GOLM1: variants seen among roughly 807,000 people sequenced by gnomAD.
The protein encoded by GOLM1 is golgi membrane protein 1, also known as epididymis luminal protein 46.
Under a neutral mutation model 50.5 loss-of-function variants are expected in GOLM1, and 31 were observed. The ratio of observed to expected loss-of-function variants is 0.61; its 90% CI spans 0.46 to 0.83. The LOEUF is 0.83. Among genes scored for constraint, GOLM1 ranks in the 40% least tolerant of loss-of-function variants. The pLI is 0.00. For missense variants in GOLM1, 491 were observed against 501.3 expected (o/e 0.98, Z 0.20); for synonymous variants, 178 against 192.8 (o/e 0.92, Z 0.64).
chr9:86,028,544 A>G (rs1232450880), intron 9 of GOLM1, among the ~76,000 whole-genome samples: 3 of 152,198 alleles, frequency 2.0e-5, no homozygotes, highest in Non-Finnish European at 1.5e-5. Context: ...TTTTCAGTAC[A>G]CTAGGGCAAG....
At chr9:86,052,985 C>G (rs1259981298) in intron 3 of GOLM1, among the ~76,000 whole-genome samples, 1 of 140,902 alleles carries the variant, frequency 7.1e-6, no homozygotes, top group East Asian at 1.9e-4. Flanking sequence ...CAAACCACAC[C>G]ACGACACACC....
intron 1 of GOLM1, among the ~76,000 whole-genome samples, chr9:86,096,686 TTAAAA>T (rs1193189886): frequency 6.6e-6 from 1 of 152,162 alleles, no homozygotes; most frequent in East Asian, 1.9e-4. Flanking sequence ...CCCAAAATAC[TTAAAA>T]TTAAGAGAAA....
intron 9 of GOLM1, among the ~76,000 whole-genome samples, chr9:86,031,125 G>C (rs144777921): frequency 6.6e-6 from 1 of 151,876 alleles, no homozygotes; most frequent in Non-Finnish European, 1.5e-5. Context: ...CAGGAGAATC[G>C]CTTGAACCCG....
intron 3 of GOLM1, among the ~76,000 whole-genome samples, chr9:86,061,085 G>C (rs773407689): frequency 3.2e-4 from 48 of 151,984 alleles, no homozygotes; most frequent in Non-Finnish European, 6.3e-4. Flanking sequence ...AACGGCACGA[G>C]TTGTAATCGC....
At chr9:86,041,444 A>C (rs1833347020) in intron 5 of GOLM1, among the ~76,000 whole-genome samples, 1 of 152,170 alleles carries the variant, frequency 6.6e-6, no homozygotes. Context: ...AATCATGCCT[A>C]CATAAAACAC....
chr9:86,072,404 T>C (rs1834475008), intron 3 of GOLM1, among the ~76,000 whole-genome samples: 1 of 152,182 alleles, frequency 6.6e-6, no homozygotes, highest in African/African-American at 2.4e-5. Flanking sequence ...GAGAAGCTCA[T>C]GCAATGTCTT....
intron 1 of GOLM1, among the ~76,000 whole-genome samples, chr9:86,094,230 C>G (rs1036529087): frequency 6.6e-6 from 1 of 151,962 alleles, no homozygotes. Flanking sequence ...TTTCTGGCTA[C>G]AAAGTAGAAC....
chr9:86,075,154 A>G (rs2118839321), intron 3 of GOLM1, among the ~76,000 whole-genome samples: 1 of 152,356 alleles, frequency 6.6e-6, no homozygotes, highest in South Asian at 2.1e-4. Context: ...GGCCCTCACC[A>G]GATGAATCTG....
Position 86,036,369 on chromosome 9 carries a change from A to C in GOLM1, c.736T>G (p.Ser246Ala), listed in dbSNP as rs150164706. The C allele has an allele frequency of 5.9e-4, 950 of 1,614,174 alleles. No individual in the cohort carries two copies. Among genetic ancestry groups the C allele is most frequent in the Non-Finnish European group, 7.3e-4 (856 of 1,180,026 alleles). ...TTACCTTTCTCAACTTGTCTCTTTG[A>C]ATCCAAAACCACTTCGGAACTGGGG... is the stretch of plus-strand genomic sequence containing the variant. ...PAPSSEVVLDSKRQVEKEETN... is the reference protein window; with the variant it reads ...PAPSSEVVLDAKRQVEKEETN... The change falls in exon 7 of 10, where the codon TCA becomes GCA. Residue 246 changes from serine to alanine, a missense_variant. Physicochemically the swap from Ser to Ala is moderately conservative, Grantham distance 99. Transcript: ENST00000388712.
At position 86,026,586 on chromosome 9, in the gene GOLM1, T is replaced by A. The variant is rs1302407718; in HGVS notation, c.*1231A>T. 1.0e-6 allele frequency: 1 copy of A among 964,474 alleles called. No individual in the cohort carries two copies. The highest frequency in any genetic ancestry group is 1.1e-4 in the East Asian group (1 of 8,704). The allele number at this position is 964,474 out of a possible 1,614,324, so 59.7% of individuals were successfully genotyped here. A position where few individuals can be genotyped will look rare whatever the true frequency, so the allele number is the denominator to read the frequency against. On this transcript the variant is annotated 3_prime_UTR_variant, in exon 10 of 10. Transcript: ENST00000388712. Reference sequence around the variant, plus strand: ...ATCTCTGGGGCCTTAGCATCTCAAATCCTGTGGATCCTCCTACTTACCCCT... The same window carrying A: ...ATCTCTGGGGCCTTAGCATCTCAAAACCTGTGGATCCTCCTACTTACCCCT...
intron 3 of GOLM1, among the ~76,000 whole-genome samples, chr9:86,057,556 C>A (rs1474682814): frequency 6.6e-6 from 1 of 152,232 alleles, no homozygotes; most frequent in Non-Finnish European, 1.5e-5. Flanking sequence ...ACCCCCCACT[C>A]CCAGGAGAGG....
rs972395457 is a variant in GOLM1, at chr9:86,026,882, T to C, written c.*935A>G. 1.0e-6 allele frequency: 1 copy of C among 984,160 alleles called. No individual in the cohort carries two copies. The highest frequency in any genetic ancestry group is 1.2e-6 in the Non-Finnish European group (1 of 828,880). The allele number at this position is 984,160 out of a possible 1,614,324, so 61.0% of individuals were successfully genotyped here. A position where few individuals can be genotyped will look rare whatever the true frequency, so the allele number is the denominator to read the frequency against. ...TGTTTTTCTAAACAGTCCTAATTTC[T>C]AACACTGTATATATCCTTCGACATC... On this transcript the variant is annotated 3_prime_UTR_variant, in exon 10 of 10. Transcript: ENST00000388712.
chr9:86,056,100 T>C (rs12341872), intron 3 of GOLM1, among the ~76,000 whole-genome samples: 99,626 of 151,990 alleles, frequency 0.66, 33,342 homozygotes, highest in African/African-American at 0.78. Flanking sequence ...TTATGGCAAT[T>C]TGATGTGTCC....
intron 6 of GOLM1, among the ~76,000 whole-genome samples, chr9:86,037,632 C>T (rs1833190212): frequency 6.6e-6 from 1 of 152,104 alleles, no homozygotes; most frequent in South Asian, 2.1e-4. Flanking sequence ...AAGTAAAAAA[C>T]TAAACAGACT....
chr9:86,077,873 C>G (rs1021606588), intron 2 of GOLM1: 1 of 403,010 alleles, frequency 2.5e-6, no homozygotes, highest in African/African-American at 2.0e-5. Context: ...CACAGAATGC[C>G]TCATGCTTTA....
chr9:86,089,534 C>T (rs1405395274), intron 1 of GOLM1, among the ~76,000 whole-genome samples: 1 of 152,038 alleles, frequency 6.6e-6, no homozygotes, highest in Non-Finnish European at 1.5e-5. Context: ...ATCCTTTCTT[C>T]CGCTTGACCG....
At chr9:86,072,329 G>GC (rs1390869095) in intron 3 of GOLM1, among the ~76,000 whole-genome samples, 1 of 152,156 alleles carries the variant, frequency 6.6e-6, no homozygotes, top group East Asian at 1.9e-4. Context: ...TGACCTCTCT[G>GC]CATGTCCAGC....
At chr9:86,037,030 G>C (rs1319169539) in intron 6 of GOLM1, among the ~76,000 whole-genome samples, 2 of 152,194 alleles carry the variant, frequency 1.3e-5, no homozygotes, top group Non-Finnish European at 2.9e-5. Flanking sequence ...ATAACAGGAT[G>C]AAACTTATGA....
rs376445448 is a variant in GOLM1 at position 86,030,285 on chromosome 9, G to A, written c.1130-2392C>T. On this transcript the variant is annotated intron_variant, in intron 9 of 9. Transcript: ENST00000388712. Reference sequence around the variant, plus strand: ...TGACCAGACCGTGAAACATGCTCAAGAACATAAATGAGTGGAGTCAATGAC... The same window carrying A: ...TGACCAGACCGTGAAACATGCTCAAAAACATAAATGAGTGGAGTCAATGAC... Among the ~76,000 whole-genome samples, 246 of 146,214 alleles carry A rather than the reference G, an allele frequency of 1.7e-3. 1 individual carries two copies. Among genetic ancestry groups the A allele is most frequent in the African/African-American group, 3.9e-3 (156 of 39,546 alleles).
Sources: allele counts gnomAD v4.1 joint callset (sites outside exome capture counted in the v4.1 genomes callset), GRCh38; gene constraint gnomAD v4.1.1; transcripts MANE v1.5; gene names NCBI Gene and HGNC (gene_info 2026-07-23, HGNC 2026-07-21).